The following HMGB1 variants were observed in gnomAD, a reference collection of about 807,000 sequenced individuals.
HMGB1 encodes high mobility group protein B1.
For synonymous variants in HMGB1, 81 were observed against 84.0 expected (o/e 0.96, Z 0.19); for missense variants, 79 against 253.5 (o/e 0.31, Z 4.67).
chr13:30,509,906 C>G (rs1417240878), intron 1 of HMGB1, among the ~76,000 whole-genome samples: 2 of 152,150 alleles, frequency 1.3e-5, no homozygotes, highest in African/African-American at 4.8e-5. Context: ...ACCTAATCCA[C>G]TCTCAGTTTT....
chr13:30,523,159 G>A (rs1409121153), intron 1 of HMGB1, among the ~76,000 whole-genome samples: 1 of 152,160 alleles, frequency 6.6e-6, no homozygotes, highest in Non-Finnish European at 1.5e-5. Context: ...TCTCCCAGCA[G>A]GTACAGTAGA....
At chr13:30,538,281 T>G (rs1868546700) in intron 1 of HMGB1, among the ~76,000 whole-genome samples, 1 of 152,218 alleles carries the variant, frequency 6.6e-6, no homozygotes, top group Non-Finnish European at 1.5e-5. Context: ...TTTATTTTAA[T>G]TTTTTGGTGG....
intron 1 of HMGB1, among the ~76,000 whole-genome samples, chr13:30,533,818 A>G (rs911842221): frequency 1.3e-5 from 2 of 152,210 alleles, no homozygotes; most frequent in Non-Finnish European, 2.9e-5. Flanking sequence ...TAATTTAAAA[A>G]AAAATCCCCA....
chr13:30,589,283 G>T (rs1871280519), intron 1 of HMGB1, among the ~76,000 whole-genome samples: 1 of 152,084 alleles, frequency 6.6e-6, no homozygotes, highest in Non-Finnish European at 1.5e-5. Context: ...GGGATTACAG[G>T]CGTGAACCAC....
chr13:30,504,111 C>G (rs1391356040), intron 1 of HMGB1, among the ~76,000 whole-genome samples: 2 of 151,772 alleles, frequency 1.3e-5, no homozygotes, highest in Non-Finnish European at 2.9e-5. Context: ...TCTTATATTC[C>G]CTTTAAGAAA....
intron 1 of HMGB1, among the ~76,000 whole-genome samples, chr13:30,473,720 T>G (rs959216374): frequency 1.3e-5 from 2 of 152,170 alleles, no homozygotes; most frequent in African/African-American, 4.8e-5. Context: ...TAAACACAGA[T>G]AGATAGCAGT....
intron 1 of HMGB1, among the ~76,000 whole-genome samples, chr13:30,491,435 A>G (rs889219898): frequency 7.0e-6 from 1 of 142,502 alleles, no homozygotes; most frequent in African/African-American, 3.1e-5. Flanking sequence ...TGTAATTCCA[A>G]CACTTCAGGA....
chr13:30,466,999 T>G (rs1886806850), upstream of HMGB1, among the ~76,000 whole-genome samples: 1 of 152,240 alleles, frequency 6.6e-6, no homozygotes, highest in South Asian at 2.1e-4. Flanking sequence ...AAGGATTAGA[T>G]GCAGGCAGAG....
chr13:30,484,027 A>C (rs147089734), intron 1 of HMGB1, among the ~76,000 whole-genome samples: 1 of 152,118 alleles, frequency 6.6e-6, no homozygotes. Flanking sequence ...TGGGATGGTC[A>C]TGCTCTCTCA....
intron 1 of HMGB1, among the ~76,000 whole-genome samples, chr13:30,605,418 A>G (rs535666049): frequency 6.6e-6 from 1 of 152,348 alleles, no homozygotes; most frequent in East Asian, 1.9e-4. Flanking sequence ...AGGAGGAACC[A>G]TCAAAAGATA....
At chr13:30,527,057 A>G (rs899285871) in intron 1 of HMGB1, among the ~76,000 whole-genome samples, 1 of 152,214 alleles carries the variant, frequency 6.6e-6, no homozygotes, top group Non-Finnish European at 1.5e-5. Context: ...CCGCCTTTTA[A>G]CAAGTAGCAT....
At chr13:30,499,746 A>G (rs1887693374) in intron 1 of HMGB1, among the ~76,000 whole-genome samples, 2 of 152,232 alleles carry the variant, frequency 1.3e-5, no homozygotes, top group Admixed American at 1.3e-4. Flanking sequence ...TGAAAAGTCA[A>G]TCCATTAGTT....
intron 1 of HMGB1, among the ~76,000 whole-genome samples, chr13:30,523,478 G>A (rs1047757049): frequency 6.6e-6 from 1 of 152,066 alleles, no homozygotes; most frequent in Non-Finnish European, 1.5e-5. Context: ...GAGTTACAGA[G>A]TGAGATAGGT....
At chr13:30,521,728 T>C (rs1423269610) in intron 1 of HMGB1, among the ~76,000 whole-genome samples, 2 of 151,854 alleles carry the variant, frequency 1.3e-5, no homozygotes, top group Non-Finnish European at 2.9e-5. Flanking sequence ...CTTGGGTATA[T>C]CCCTAGAAGT....
chr13:30,463,439 C>A, intron 2 of HMGB1, 87 bp from the exon 3 acceptor site: 1 of 1,504,910 alleles, frequency 6.6e-7, no homozygotes, highest in South Asian at 1.2e-5. Context: ...TAATAGCGTC[C>A]CACTACGAGA....
intron 1 of HMGB1, 60 bp from the exon 2 acceptor site, chr13:30,463,754 A>G: frequency 8.9e-7 from 1 of 1,125,034 alleles, no homozygotes; most frequent in East Asian, 2.5e-5. Flanking sequence ...AAGACCTTAA[A>G]GTACTTAGTA....
At chr13:30,599,879 G>C (rs1871787740) in intron 1 of HMGB1, among the ~76,000 whole-genome samples, 1 of 152,174 alleles carries the variant, frequency 6.6e-6, no homozygotes, top group Admixed American at 6.5e-5. Context: ...AACAGGCCTA[G>C]ACCTTAATTT....
intron 1 of HMGB1, among the ~76,000 whole-genome samples, chr13:30,600,692 C>T (rs1056818115): frequency 6.6e-6 from 1 of 152,058 alleles, no homozygotes; most frequent in African/African-American, 2.4e-5. Context: ...CTGCAACCTC[C>T]GCCTCCTGGG....
chr13:30,515,624 T>C (rs1010592935), intron 1 of HMGB1, among the ~76,000 whole-genome samples: 1 of 152,072 alleles, frequency 6.6e-6, no homozygotes, highest in Non-Finnish European at 1.5e-5. Context: ...TTAAAAACTA[T>C]TTTAACAAAG....
Sources: gnomAD v4.1 joint callset for allele counts (sites outside exome capture counted in the v4.1 genomes callset) on GRCh38, gnomAD v4.1.1 for gene constraint, MANE v1.5 for transcripts, NCBI Gene and HGNC (gene_info 2026-07-23, HGNC 2026-07-21) for gene names.